The following DPH2 variants were observed in gnomAD, a reference collection of about 807,000 sequenced individuals.
DPH2 encodes the protein diphthamide biosynthesis 2.
A neutral mutation model predicts 42.5 loss-of-function variants in DPH2; 28 were observed. The observed-to-expected ratio is 0.66, with a 90% confidence interval of 0.49 to 0.90. DPH2 has a LOEUF of 0.90. Ranked by LOEUF, DPH2 falls within the 40% of genes least tolerant of loss-of-function variation. The pLI is 0.00. For synonymous variants in DPH2, 279 were observed against 264.4 expected, an observed-to-expected ratio of 1.06 and a Z score of -0.53; for missense variants, 576 against 636.0, an observed-to-expected ratio of 0.91 and a Z score of 1.01.
chr1:43,971,938 C>G lies in DPH2; in HGVS notation c.1036C>G (p.Leu346Val). 1.2e-6 allele frequency: 2 copies of G among 1,614,216 alleles called. No individual in the cohort carries two copies. The highest frequency in any genetic ancestry group is 1.6e-4 in the Middle Eastern group (1 of 6,062). Residue 346 changes from leucine (L) to valine (V), a missense_variant, in exon 4 of 6, where the codon CTA becomes GTA. Physicochemically the swap from Leu to Val is conservative, Grantham distance 32. This residue lies in a region of DPH2 where 178 missense variants were observed against 184.4 expected (regional missense o/e 0.97). Transcript: ENST00000255108. ...FVLLACPLGA[L>V]APQLSGSFFQ... Reference sequence around the variant, plus strand: ...GCTATTAGCCTGTCCTCTGGGTGCTCTAGCCCCCCAGCTTTCTGGTAGCTT... The same window carrying G: ...GCTATTAGCCTGTCCTCTGGGTGCTGTAGCCCCCCAGCTTTCTGGTAGCTT...
In DPH2 at chr1:43,972,250, C is replaced by G; in HGVS notation, c.1261C>G (p.Pro421Ala). 1 of 1,614,258 alleles carries G rather than the reference C, an allele frequency of 6.2e-7. No individual in the cohort carries two copies. The highest frequency in any genetic ancestry group is 1.1e-5 in the South Asian group (1 of 91,086). Residue 421 changes from proline (P) to alanine (A), a missense_variant, in exon 5 of 6, where the codon CCT (proline) becomes GCT (alanine). By Grantham distance (27) the Pro-to-Ala change is conservative. Around this residue, in one of 3 missense-constraint regions of DPH2, gnomAD observed 178 missense variants for 184.4 expected, o/e 0.97. Transcript: ENST00000255108. ...SLITGDLRPP[P>A]AWKSSNDHGS... ...CATTACTGGAGATCTCCGACCCCCA[C>G]CTGCCTGGAAGTCATCAAATGATCA...
At position 43,971,398 on chromosome 1, in the gene DPH2, ACT is replaced by A; in HGVS notation, c.500_501del (p.Leu167ProfsTer56). On this transcript the variant is annotated frameshift_variant, in exon 4 of 6. Transcript: ENST00000255108. LOFTEE classifies it high-confidence loss of function. ...TCCTTCTCTTCCAGAGGCTTTGGCT[ACT>A]CTCCTGCGCCCACGGTACCTGGACC... ...ACAHALEALATLLRPRYLDLL... is the reference protein window; with the variant it reads ...ACAHALEALAXLLRPRYLDLL... The A allele has an allele frequency of 6.3e-7, 1 of 1,581,690 alleles. No homozygotes were observed. The highest frequency in any genetic ancestry group is 8.6e-7 in the Non-Finnish European group (1 of 1,162,056).
Position 43,971,871 on chromosome 1 carries a change from C to T in DPH2, c.969C>T (p.Thr323=). 6.2e-7 allele frequency: 1 copy of T among 1,614,174 alleles called. No individual in the cohort carries two copies. Among genetic ancestry groups the T allele is most frequent in the Non-Finnish European group, 8.5e-7 (1 of 1,180,040 alleles). Residue 323 remains threonine, a synonymous_variant, in exon 4 of 6, where the codon ACC becomes ACT. Coordinates refer to ENST00000255108, the MANE Select transcript of DPH2 (RefSeq NM_001384.5). The part of the protein sequence containing the change: ...RSYVLALGRP[T]PAKLANFPEV... ...ATGTGTTGGCCCTGGGGCGGCCCAC[C>T]CCTGCCAAGCTTGCCAACTTCCCTG... is the stretch of plus-strand genomic sequence containing the variant.
rs759870886 is a variant in DPH2, at chr1:43,970,946, T to A, written c.261-20T>A. On this transcript the variant is annotated intron_variant, in intron 2 of 5. Transcript: ENST00000255108. ...GCCTCCAGAAGAGAACCCATTTCTCTGATGCTATCTTCCCTGCAGCTGCTG... is the reference window on the plus strand; with the variant it reads ...GCCTCCAGAAGAGAACCCATTTCTCAGATGCTATCTTCCCTGCAGCTGCTG... 4.5e-6 allele frequency: 7 copies of A among 1,564,024 alleles called. No homozygotes were observed. The South Asian group carries it at 8.2e-5, about 18-fold the overall frequency.
Position 43,972,694 on chromosome 1 carries a change from G to A in DPH2, c.*155G>A. On this transcript the variant is annotated 3_prime_UTR_variant, in exon 6 of 6. Coordinates refer to ENST00000255108, the MANE Select transcript of DPH2 (RefSeq NM_001384.5). ...CCTTCACAGGATAGGATCCGTCTCT[G>A]TCCTGTCCTGGCACTGGCACAAGCT... is the stretch of plus-strand genomic sequence containing the variant. 1 of 1,078,428 alleles carries A rather than the reference G, an allele frequency of 9.3e-7. No homozygotes were observed. The highest frequency in any genetic ancestry group is 1.3e-6 in the Non-Finnish European group (1 of 756,606). The allele number at this position is 1,078,428 out of a possible 1,614,324, so 66.8% of individuals were successfully genotyped here.
At position 43,972,029 on chromosome 1, in the gene DPH2, G is replaced by A. The variant is rs1285124569; in HGVS notation, c.1127G>A (p.Gly376Asp). The change falls in exon 4 of 6, where the codon GGC becomes GAC. Residue 376 changes from glycine to aspartate, a missense_variant. Physicochemically the swap from Gly to Asp is moderately conservative, Grantham distance 94. Transcript: ENST00000255108. ...AACNPAWPPPGLAPHLTHYAD... is the reference protein window; with the variant it reads ...AACNPAWPPPDLAPHLTHYAD... ...TGCAACCCTGCCTGGCCACCTCCAG[G>A]CCTGGCTCCCCACCTCACACATTAT... is the stretch of plus-strand genomic sequence containing the variant. 4 of 1,614,002 alleles carry A rather than the reference G, an allele frequency of 2.5e-6. No homozygotes were observed. The highest frequency in any genetic ancestry group is 1.3e-5 in the African/African-American group (1 of 74,942).
At position 43,972,054 on chromosome 1, in the gene DPH2, T is replaced by G; in HGVS notation, c.1152T>G (p.Tyr384Ter). 1 of 1,613,740 alleles carries G rather than the reference T, an allele frequency of 6.2e-7. No individual in the cohort carries two copies. The highest frequency in any genetic ancestry group is 8.5e-7 in the Non-Finnish European group (1 of 1,179,758). The change falls in exon 4 of 6, where the codon TAT (tyrosine) becomes TAG (stop). Residue 384 changes from tyrosine (Y) to a stop codon, truncating the protein, a stop_gained. Coordinates refer to ENST00000255108, the MANE Select transcript of DPH2 (RefSeq NM_001384.5). LOFTEE classifies it high-confidence loss of function. ...GCCTGGCTCCCCACCTCACACATTA[T>G]GCGGACTTATTGCCTGGTGAGTAGT... ...PPGLAPHLTHYADLLPGSPFH... is the reference protein window; with the variant it reads ...PPGLAPHLTH
Position 43,972,614 on chromosome 1 carries a change from C to T in DPH2, c.*75C>T. 6.3e-7 allele frequency: 1 copy of T among 1,579,220 alleles called. No individual in the cohort carries two copies. The highest frequency in any genetic ancestry group is 8.6e-7 in the Non-Finnish European group (1 of 1,159,448). ...CCTTTAGTGCTCCCTGCACCAACCT[C>T]CCATCCCCCTGCCAAGATCCTTGAA... is the stretch of plus-strand genomic sequence containing the variant. On this transcript the variant is annotated 3_prime_UTR_variant, in exon 6 of 6. Transcript: ENST00000255108.
At position 43,971,371 on chromosome 1, in the gene DPH2, C is replaced by A. The variant is rs1200554641; in HGVS notation, c.485-16C>A. On this transcript the variant is annotated splice_polypyrimidine_tract_variant and intron_variant, in intron 3 of 5. Coordinates refer to ENST00000255108, the MANE Select transcript of DPH2 (RefSeq NM_001384.5). Reference sequence around the variant, plus strand: ...TTGCCAGGCTCCAACCTCAACACTACCTCCTTCTCTTCCAGAGGCTTTGGC... The same window carrying A: ...TTGCCAGGCTCCAACCTCAACACTAACTCCTTCTCTTCCAGAGGCTTTGGC... 6.4e-7 allele frequency: 1 copy of A among 1,560,480 alleles called. No individual in the cohort carries two copies. The highest frequency in any genetic ancestry group is 2.3e-5 in the East Asian group (1 of 44,306).
Position 43,971,723 on chromosome 1 carries a change from T to C in DPH2, c.821T>C (p.Leu274Pro). 1 of 1,612,104 alleles carries C rather than the reference T, an allele frequency of 6.2e-7. No homozygotes were observed. The highest frequency in any genetic ancestry group is 8.5e-7 in the Non-Finnish European group (1 of 1,179,840). ...CGGCTAAGGGCACGAAGACGATATCTGGTAGAGAGGGCCAGAGATGCCCGC... is the reference window on the plus strand; with the variant it reads ...CGGCTAAGGGCACGAAGACGATATCCGGTAGAGAGGGCCAGAGATGCCCGC... Reference protein sequence around the residue: ...AGRLRARRRYLVERARDARVV... With the variant: ...AGRLRARRRYPVERARDARVV... The change falls in exon 4 of 6, where the codon CTG becomes CCG. Residue 274 changes from leucine to proline, a missense_variant. Around this residue, in one of 3 missense-constraint regions of DPH2, gnomAD observed 395 missense variants for 435.2 expected, o/e 0.91. Coordinates refer to ENST00000255108, the MANE Select transcript of DPH2 (RefSeq NM_001384.5).
chr1:43,970,887 C>A (rs1448460740), intron 2 of DPH2, 79 bp from the exon 3 acceptor site: 1 of 1,454,646 alleles, frequency 6.9e-7, no homozygotes, highest in South Asian at 1.2e-5. Context: ...CCATTTTATT[C>A]ACTGACCACA....
At position 43,973,059 on chromosome 1, in the gene DPH2, C is replaced by T. The variant is rs1399309749; in HGVS notation, c.*520C>T. ...GTGACAACCAAAAATATCTCCAGAC[C>T]TTGGCAAATGTTATCTGTGGGGGAA... is the stretch of plus-strand genomic sequence containing the variant. On this transcript the variant is annotated 3_prime_UTR_variant, in exon 6 of 6. Transcript: ENST00000255108. The T allele has an allele frequency of 6.5e-6, 1 of 154,826 alleles. No individual in the cohort carries two copies. Among genetic ancestry groups the T allele is most frequent in the Non-Finnish European group, 1.4e-5 (1 of 69,876 alleles). The allele number at this position is 154,826 out of a possible 1,614,324, so 9.6% of individuals were successfully genotyped here.
In DPH2 at chr1:43,971,740, G is replaced by T; in HGVS notation, c.838G>T (p.Asp280Tyr). The T allele has an allele frequency of 6.2e-7, 1 of 1,610,764 alleles. No individual in the cohort carries two copies. The highest frequency in any genetic ancestry group is 8.5e-7 in the Non-Finnish European group (1 of 1,179,658). Residue 280 changes from aspartate to tyrosine, a missense_variant, in exon 4 of 6, where the codon GAT becomes TAT. This residue lies in a region of DPH2 where 395 missense variants were observed against 435.2 expected (regional missense o/e 0.91). Coordinates refer to ENST00000255108, the MANE Select transcript of DPH2 (RefSeq NM_001384.5). Reference protein sequence around the residue: ...RRRYLVERARDARVVGLLAGT... With the variant: ...RRRYLVERARYARVVGLLAGT... Reference sequence around the variant, plus strand: ...ACGATATCTGGTAGAGAGGGCCAGAGATGCCCGCGTGGTAGGGCTGCTGGC... The same window carrying T: ...ACGATATCTGGTAGAGAGGGCCAGATATGCCCGCGTGGTAGGGCTGCTGGC...
rs1181035127 is a variant in DPH2, at chr1:43,971,525, G to A, written c.623G>A (p.Gly208Glu). The A allele has an allele frequency of 4.3e-6, 7 of 1,614,088 alleles. No homozygotes were observed. The highest frequency in any genetic ancestry group is 5.1e-6 in the Non-Finnish European group (6 of 1,180,034). ...GGGCGCCGCTTCCCCCTTGCCCCAG[G>A]GAGGCGTCTAGAAGAGTATGGTGCC... is the stretch of plus-strand genomic sequence containing the variant. Reference protein sequence around the residue: ...RFGRRFPLAPGRRLEEYGAFY... With the variant: ...RFGRRFPLAPERRLEEYGAFY... The change falls in exon 4 of 6, where the codon GGG becomes GAG. Residue 208 changes from glycine to glutamate, a missense_variant. Transcript: ENST00000255108.
In DPH2 at chr1:43,971,972, C is replaced by G. The variant is rs1445341816; in HGVS notation, c.1070C>G (p.Pro357Arg). ...CAGCTTTCTGGTAGCTTCTTCCAGC[C>G]TATACTGGCACCATGTGAGCTGGAA... is the stretch of plus-strand genomic sequence containing the variant. ...APQLSGSFFQ[P>R]ILAPCELEAA... The change falls in exon 4 of 6, where the codon CCT becomes CGT. Residue 357 changes from proline (P) to arginine (R), a missense_variant. By Grantham distance (103) the Pro-to-Arg change is moderately radical. Around this residue, in one of 3 missense-constraint regions of DPH2, gnomAD observed 178 missense variants for 184.4 expected, o/e 0.97. Coordinates refer to ENST00000255108, the MANE Select transcript of DPH2 (RefSeq NM_001384.5). 8 of 1,614,134 alleles carry G rather than the reference C, an allele frequency of 5.0e-6. No individual in the cohort carries two copies. The highest frequency in any genetic ancestry group is 6.8e-6 in the Non-Finnish European group (8 of 1,180,064).
rs368140459 is a variant in DPH2 at position 43,971,375 on chromosome 1, C to T, written c.485-12C>T. ...CAGGCTCCAACCTCAACACTACCTC[C>T]TTCTCTTCCAGAGGCTTTGGCTACT... On this transcript the variant is annotated splice_polypyrimidine_tract_variant and intron_variant, in intron 3 of 5. Coordinates refer to ENST00000255108, the MANE Select transcript of DPH2 (RefSeq NM_001384.5). The T allele has an allele frequency of 1.0e-4, 164 of 1,562,598 alleles. No homozygotes were observed. The Middle Eastern group carries it at 1.7e-3, about 16-fold the overall frequency.
chr1:43,973,198 GT>G lies in DPH2; in HGVS notation c.*662del, dbSNP rs1364960299. 1 of 152,274 alleles carries G rather than the reference GT, an allele frequency of 6.6e-6. No individual in the cohort carries two copies. Among genetic ancestry groups the G allele is most frequent in the Non-Finnish European group, 1.5e-5 (1 of 68,078 alleles). The allele number at this position is 152,274 out of a possible 1,614,324, so 9.4% of individuals were successfully genotyped here. ...TAAGTTAATTAAGATTAAAAGCTCA[GT>G]TTCTCAGTCACATTAGTCATTCAAG... On this transcript the variant is annotated 3_prime_UTR_variant, in exon 6 of 6. Transcript: ENST00000255108.
chr1:43,972,863 C>A lies in DPH2; in HGVS notation c.*324C>A. On this transcript the variant is annotated 3_prime_UTR_variant, in exon 6 of 6. Coordinates refer to ENST00000255108, the MANE Select transcript of DPH2 (RefSeq NM_001384.5). ...CAGTTCCCAGGCTGCAGTTGAGGGT[C>A]TGTCCTTGTCAAAAGGCAGGTGCTA... 3.4e-6 allele frequency: 1 copy of A among 297,624 alleles called. No homozygotes were observed. Among genetic ancestry groups the A allele is most frequent in the South Asian group, 3.9e-5 (1 of 25,582 alleles). 18.4% of individuals were successfully genotyped at this position (297,624 alleles called of 1,614,324 possible). A position where few individuals can be genotyped will look rare whatever the true frequency, so the allele number is the denominator to read the frequency against.
At position 43,971,189 on chromosome 1, in the gene DPH2, G is replaced by A. The variant is rs769476135; in HGVS notation, c.484G>A (p.Glu162Lys). 12 of 1,552,774 alleles carry A rather than the reference G, an allele frequency of 7.7e-6. No homozygotes were observed. Among genetic ancestry groups the A allele is most frequent in the Admixed American group, 2.0e-5 (1 of 51,138 alleles). ...LSEPACAHAL[E>K]ALATLLRPRY... ...TGAGCCGGCCTGTGCCCATGCCCTGGGTAAGGGGTTTTGCCTGTGTATGCA... is the reference window on the plus strand; with the variant it reads ...TGAGCCGGCCTGTGCCCATGCCCTGAGTAAGGGGTTTTGCCTGTGTATGCA... The change falls in exon 3 of 6, where the codon GAG becomes AAG. Residue 162 changes from glutamate (E) to lysine (K), a missense_variant and splice_region_variant. Glu to Lys is a moderately conservative substitution (Grantham distance 56). Transcript: ENST00000255108.
Sources: allele counts gnomAD v4.1 joint callset, GRCh38; gene constraint gnomAD v4.1.1; regional missense constraint gnomAD v4.1.1; transcripts MANE v1.5; gene names NCBI Gene and HGNC (gene_info 2026-07-23, HGNC 2026-07-21).